The following SEZ6 variants were observed in gnomAD, a reference collection of about 807,000 sequenced individuals.
The protein encoded by SEZ6 is seizure related 6 homolog.
Under a neutral mutation model 101.0 loss-of-function variants are expected in SEZ6, and 53 were observed. That is an observed-to-expected ratio of 0.52 (90% CI 0.42 to 0.66). The LOEUF is 0.66. Ranked by LOEUF, SEZ6 falls within the 30% of genes least tolerant of loss-of-function variation. The pLI is 0.00. For missense variants in SEZ6, 1,102 were observed against 1,289.4 expected (o/e 0.85, Z 2.23); for synonymous variants, 488 against 512.2 (o/e 0.95, Z 0.64).
chr17:28,995,487 C>T (rs922273398), intron 1 of SEZ6, among the ~76,000 whole-genome samples: 10 of 152,180 alleles, frequency 6.6e-5, no homozygotes, highest in African/African-American at 2.4e-4. Context: ...TCTGATTAAT[C>T]GTCTCCATCC....
intron 4 of SEZ6, among the ~76,000 whole-genome samples, chr17:28,966,532 C>A (rs2041071713): frequency 6.6e-6 from 1 of 152,072 alleles, no homozygotes; most frequent in Non-Finnish European, 1.5e-5. Flanking sequence ...GAGCAAAGGC[C>A]TGGAGGGGTC....
At chr17:28,990,746 T>G (rs907812241) in intron 1 of SEZ6, among the ~76,000 whole-genome samples, 3 of 151,956 alleles carry the variant, frequency 2.0e-5, no homozygotes, top group African/African-American at 7.3e-5. Flanking sequence ...AAAAAAACCC[T>G]AGCCTCCTTC....
chr17:28,956,572 G>A, intron 14 of SEZ6, 105 bp from the exon 15 acceptor site: 1 of 1,468,362 alleles, frequency 6.8e-7, no homozygotes, highest in Non-Finnish European at 9.3e-7. Flanking sequence ...CCTCTAGCTG[G>A]CTGGGTGTAG....
chr17:28,996,516 C>T (rs888062258), intron 1 of SEZ6, among the ~76,000 whole-genome samples: 1 of 152,104 alleles, frequency 6.6e-6, no homozygotes, highest in African/African-American at 2.4e-5. Flanking sequence ...AGCTATGAGT[C>T]TCCTTGAGGG....
At chr17:28,994,896 C>T (rs1568002207) in intron 1 of SEZ6, among the ~76,000 whole-genome samples, 1 of 151,422 alleles carries the variant, frequency 6.6e-6, no homozygotes, top group African/African-American at 2.4e-5. Context: ...TTTTTTGAGA[C>T]AGAGTCTCAC....
intron 1 of SEZ6, among the ~76,000 whole-genome samples, chr17:29,000,718 G>T (rs1398814146): frequency 2.0e-5 from 3 of 152,258 alleles, no homozygotes; most frequent in African/African-American, 4.8e-5. Context: ...GGGCTATGGA[G>T]CCAGATGACA....
At chr17:29,004,670 C>T (rs1395429849) in intron 1 of SEZ6, among the ~76,000 whole-genome samples, 5 of 152,198 alleles carry the variant, frequency 3.3e-5, no homozygotes, top group African/African-American at 1.2e-4. Flanking sequence ...GAAACTCCCA[C>T]CCTCACACTT....
At position 29,005,078 on chromosome 17, in the gene SEZ6, GGTGTGTGTGT is replaced by G. The variant is rs58063439; in HGVS notation, c.55+727_55+736del. Among the ~76,000 whole-genome samples, 5 of 137,754 alleles carry G rather than the reference GGTGTGTGTGT, an allele frequency of 3.6e-5. No individual in the cohort carries two copies. The highest frequency in any genetic ancestry group is 6.3e-5 in the Non-Finnish European group (4 of 63,676). 90.4% of individuals were successfully genotyped at this position (137,754 alleles called of 152,430 possible). ...GGAGGGAGGCAGAGCTCGGGGCAGT[GGTGTGTGTGT>G]GTGTGTGTGTGTGTGTGTGTGTGTG... is the stretch of plus-strand genomic sequence containing the variant. On this transcript the variant is annotated intron_variant, in intron 1 of 16. Coordinates refer to ENST00000317338, the MANE Select transcript of SEZ6 (RefSeq NM_178860.5). This position sits in a 1 kb window ranked among gnomAD's most constrained non-coding sequence, Gnocchi z 4.8.
chr17:28,979,654 G>A, intron 3 of SEZ6, 26 bp downstream of exon 3: 4 of 1,613,724 alleles, frequency 2.5e-6, no homozygotes, highest in Non-Finnish European at 1.7e-6. Flanking sequence ...CCCCAGCTTT[G>A]CCCTTGCCAG....
At chr17:29,006,071 G>C (rs570121228), upstream of SEZ6, 1,037 of 357,860 alleles carry the variant, frequency 2.9e-3, 12 homozygotes, top group African/African-American at 0.02. Context: ...ATCGCCGAGC[G>C]GGGCTGGGGG....
At chr17:28,971,888 A>G (rs1005182633) in intron 3 of SEZ6, among the ~76,000 whole-genome samples, 2 of 152,206 alleles carry the variant, frequency 1.3e-5, no homozygotes, top group African/African-American at 4.8e-5. Context: ...TCACTTGAGA[A>G]TGGCTTTCTG....
intron 1 of SEZ6, among the ~76,000 whole-genome samples, chr17:28,996,133 T>G (rs1032757525): frequency 6.7e-6 from 1 of 148,792 alleles, no homozygotes; most frequent in African/African-American, 2.5e-5. Context: ...CCCGGGTGGC[T>G]GGGACTACAG....
At chr17:28,986,720 C>T (rs2041389621) in intron 1 of SEZ6, among the ~76,000 whole-genome samples, 1 of 152,252 alleles carries the variant, frequency 6.6e-6, no homozygotes, top group African/African-American at 2.4e-5. Context: ...GCCAGAAAGC[C>T]TTGGGTTCCA....
intron 1 of SEZ6, among the ~76,000 whole-genome samples, chr17:28,984,166 C>G (rs931908247): frequency 6.6e-6 from 1 of 152,180 alleles, no homozygotes; most frequent in African/African-American, 2.4e-5. Flanking sequence ...CCACACCCCC[C>G]AGAGCAGATG....
intron 3 of SEZ6, among the ~76,000 whole-genome samples, chr17:28,971,547 C>G (rs1222387543): frequency 6.6e-6 from 1 of 151,914 alleles, no homozygotes; most frequent in Non-Finnish European, 1.5e-5. Context: ...GAGCCGAGAT[C>G]GCGCCATTGC....
rs757790075 is a variant in SEZ6 at position 28,959,383 on chromosome 17, A to G, written c.1861T>C (p.Trp621Arg). The G allele has an allele frequency of 6.2e-7, 1 of 1,613,830 alleles. No homozygotes were observed. The highest frequency in any genetic ancestry group is 8.5e-7 in the Non-Finnish European group (1 of 1,179,838). The change falls in exon 9 of 17, where the codon TGG becomes CGG. Residue 621 changes from tryptophan (W) to arginine (R), a missense_variant. By Grantham distance (101) the Trp-to-Arg change is moderately radical. Around this residue, in one of 3 missense-constraint regions of SEZ6, gnomAD observed 556 missense variants for 735.1 expected, o/e 0.76. Coordinates refer to ENST00000317338, the MANE Select transcript of SEZ6 (RefSeq NM_178860.5). This position sits in a 1 kb window ranked among gnomAD's most constrained non-coding sequence, Gnocchi z 4.4. ...EPYGRGQDCIWGVHVEEDKRI... is the reference protein window; with the variant it reads ...EPYGRGQDCIRGVHVEEDKRI... ...TTGTCCTCTTCCACATGCACACCCC[A>G]GATACAATCCTGCCCACGACCGTAG...
At position 28,959,139 on chromosome 17, in the gene SEZ6, G is replaced by T; in HGVS notation, c.1993C>A (p.Pro665Thr). ...TARVLGQYSG[P>T]RSHFKLFTSM... is the part of the protein sequence containing the mutation. ...GTAAAGAGCTTGAAGTGGCTACGGG[G>T]CCCTGAGTACTGGCCCAGAACCCGG... The change falls in exon 10 of 17, where the codon CCC becomes ACC. Residue 665 changes from proline (P) to threonine (T), a missense_variant. Pro to Thr is a conservative substitution (Grantham distance 38). This residue lies in a region of SEZ6 where 556 missense variants were observed against 735.1 expected (regional missense o/e 0.76). Transcript: ENST00000317338. This position sits in a 1 kb window ranked among gnomAD's most constrained non-coding sequence, Gnocchi z 4.4. The T allele has an allele frequency of 6.2e-7, 1 of 1,613,894 alleles. No homozygotes were observed. Among genetic ancestry groups the T allele is most frequent in the South Asian group, 1.1e-5 (1 of 91,064 alleles).
intron 1 of SEZ6, among the ~76,000 whole-genome samples, chr17:28,995,019 CCCACCACCATGCCTGG>C (rs1459447487): frequency 6.6e-6 from 1 of 151,720 alleles, no homozygotes; most frequent in East Asian, 2.0e-4. Flanking sequence ...ACTACAGGCA[CCCACCACCATGCCTGG>C]CTAATTTTTT....
chr17:28,955,689 A>G lies in SEZ6; in HGVS notation c.*273T>C, dbSNP rs1004802873. ...AGGAGGCTCAGGATGCTGGCTGTTG[A>G]TGCTTGTGCTCCAGCTATGTTCTTC... On this transcript the variant is annotated 3_prime_UTR_variant, in exon 17 of 17. Transcript: ENST00000317338. 4 of 651,590 alleles carry G rather than the reference A, an allele frequency of 6.1e-6. No homozygotes were observed. The African/African-American group carries it at 7.1e-5, about 12-fold the overall frequency. The allele number at this position is 651,590 out of a possible 1,614,324, so 40.4% of individuals were successfully genotyped here. A position where few individuals can be genotyped will look rare whatever the true frequency, so the allele number is the denominator to read the frequency against.
Sources: gnomAD v4.1 joint callset for allele counts (sites outside exome capture counted in the v4.1 genomes callset) on GRCh38, gnomAD v4.1.1 for gene constraint, gnomAD v4.1.1 regional missense constraint, Gnocchi (gnomAD v3.1) non-coding constraint, MANE v1.5 for transcripts, NCBI Gene and HGNC (gene_info 2026-07-23, HGNC 2026-07-21) for gene names.